Variants in RBFOX1 observed in about 807,000 individuals in gnomAD.
RBFOX1 encodes the protein RNA binding fox-1 homolog 1.
A neutral mutation model predicts 57.7 loss-of-function variants in RBFOX1; 8 were observed. The observed-to-expected ratio is 0.14, with a 90% CI of 0.08 to 0.25. RBFOX1 has a LOEUF of 0.25. Ranked by LOEUF, RBFOX1 falls within the 10% of genes least tolerant of loss-of-function variation. RBFOX1 has a pLI of 1.00. For missense variants in RBFOX1, 611 were observed against 548.5 expected (o/e 1.11, Z -1.14); for synonymous variants, 326 against 222.4 (o/e 1.47, Z -4.15).
intron 3 of RBFOX1, among the ~76,000 whole-genome samples, chr16:5,834,687 G>GTAGATAGATAGA (rs151197873): frequency 0.1 from 13,838 of 134,740 alleles, 914 homozygotes; most frequent in Non-Finnish European, 0.14. Flanking sequence ...AATGGGATAG[G>GTAGATAGATAGA]TAGATAGATA....
chr16:6,119,508 A>T (rs941100102), intron 1 of RBFOX1, among the ~76,000 whole-genome samples: 4 of 152,210 alleles, frequency 2.6e-5, no homozygotes, highest in African/African-American at 9.6e-5. Context: ...TATTACTTTG[A>T]TGGCCCAATG....
At chr16:7,420,411 A>G (rs889070597) in intron 4 of RBFOX1, among the ~76,000 whole-genome samples, 7 of 152,188 alleles carry the variant, frequency 4.6e-5, no homozygotes, top group African/African-American at 1.7e-4. Flanking sequence ...AGTTACAGCA[A>G]TAAAAACAGG....
intron 3 of RBFOX1, among the ~76,000 whole-genome samples, chr16:6,755,001 A>G (rs1361951304): frequency 3.3e-5 from 5 of 152,048 alleles, no homozygotes; most frequent in African/African-American, 4.8e-5. Context: ...GATGATTTCC[A>G]ATTTCATCCA....
chr16:6,518,427 G>C (rs569387049), intron 2 of RBFOX1, among the ~76,000 whole-genome samples: 2 of 152,298 alleles, frequency 1.3e-5, no homozygotes, highest in African/African-American at 2.4e-5. Flanking sequence ...CAGGGGCCAG[G>C]TGATGACCGT....
chr16:7,513,949 A>G (rs1377888736), intron 4 of RBFOX1, among the ~76,000 whole-genome samples: 1 of 152,164 alleles, frequency 6.6e-6, no homozygotes, highest in Non-Finnish European at 1.5e-5. Flanking sequence ...AAGTCTAGCT[A>G]TCACCCCTCT....
intron 3 of RBFOX1, among the ~76,000 whole-genome samples, chr16:6,674,173 T>C (rs766189712): frequency 2.0e-5 from 3 of 152,166 alleles, no homozygotes; most frequent in South Asian, 2.1e-4. Flanking sequence ...AGAAAAGATA[T>C]GTTGAAGTCC....
intron 3 of RBFOX1, among the ~76,000 whole-genome samples, chr16:6,763,754 G>A (rs1010381388): frequency 2.6e-5 from 4 of 152,304 alleles, no homozygotes; most frequent in African/African-American, 4.8e-5. Flanking sequence ...ACCACTGGAC[G>A]GATTCCACAC....
At chr16:7,395,837 G>A (rs942645668) in intron 4 of RBFOX1, among the ~76,000 whole-genome samples, 9 of 152,076 alleles carry the variant, frequency 5.9e-5, no homozygotes, top group African/African-American at 1.2e-4. Flanking sequence ...AAATTTTCCC[G>A]TCTCTTTGCC....
intron 4 of RBFOX1, among the ~76,000 whole-genome samples, chr16:7,507,657 G>A (rs1410516331): frequency 7.0e-6 from 1 of 143,036 alleles, no homozygotes; most frequent in African/African-American, 2.6e-5. Context: ...TCCGCCTCCC[G>A]GGTTCACGCC....
intron 4 of RBFOX1, among the ~76,000 whole-genome samples, chr16:7,330,851 C>T (rs1221675164): frequency 1.3e-5 from 2 of 152,110 alleles, no homozygotes; most frequent in Non-Finnish European, 1.5e-5. Context: ...GGAAAGCAGA[C>T]GGGAGAGACA....
At chr16:6,923,888 A>C (rs1265388577) in intron 3 of RBFOX1, among the ~76,000 whole-genome samples, 1 of 152,076 alleles carries the variant, frequency 6.6e-6, no homozygotes, top group East Asian at 1.9e-4. Flanking sequence ...AAATACCTGA[A>C]GGTCAGTTGT....
chr16:7,514,572 A>ACC (rs894538545), intron 4 of RBFOX1, among the ~76,000 whole-genome samples: 4 of 151,982 alleles, frequency 2.6e-5, no homozygotes, highest in African/African-American at 4.8e-5. Context: ...TGGGCAACTG[A>ACC]CCAGGTTTCA....
chr16:6,231,233 T>TAG (rs1248195808), intron 1 of RBFOX1, among the ~76,000 whole-genome samples: 22 of 87,908 alleles, frequency 2.5e-4, no homozygotes, highest in African/African-American at 6.5e-4. Flanking sequence ...TGTGTGTGTG[T>TAG]GTGTAGGTGT....
chr16:6,987,875 A>T (rs955009906), intron 3 of RBFOX1, among the ~76,000 whole-genome samples: 1 of 152,172 alleles, frequency 6.6e-6, no homozygotes, highest in African/African-American at 2.4e-5. Flanking sequence ...AAGCAGCCAC[A>T]TTTTATCCCT....
chr16:5,520,436 A>G (rs373241853), intron 2 of RBFOX1, among the ~76,000 whole-genome samples: 2 of 152,214 alleles, frequency 1.3e-5, no homozygotes, highest in Admixed American at 6.5e-5. Context: ...CTCAGCCACC[A>G]TTCAGACTTG....
intron 2 of RBFOX1, among the ~76,000 whole-genome samples, chr16:6,629,762 A>T (rs1269428867): frequency 6.6e-6 from 1 of 152,220 alleles, no homozygotes; most frequent in African/African-American, 2.4e-5. Flanking sequence ...TTTCTAGCTT[A>T]ATTAGTCCTT....
Position 5,424,998 on chromosome 16 carries a change from CT to C in RBFOX1, c.220-42214del, listed in dbSNP as rs1337996698. ...TCTTTCTTTTCTTTTCTTTTCTTTT[CT>C]TTTCTTTTCTTTTCTTTCTTGATTC... On this transcript the variant is annotated intron_variant, in intron 1 of 2. Coordinates refer to the RBFOX1 transcript ENST00000585867. Among the ~76,000 whole-genome samples, 6 of 88,998 alleles carry C rather than the reference CT, an allele frequency of 6.7e-5. No homozygotes were observed. In the East Asian group the frequency reaches 1.1e-3, roughly 16 times the overall value. The allele number at this position is 88,998 out of a possible 152,430, so 58.4% of individuals were successfully genotyped here.
intron 3 of RBFOX1, among the ~76,000 whole-genome samples, chr16:6,825,611 A>G (rs923211542): frequency 2.6e-5 from 4 of 152,164 alleles, no homozygotes; most frequent in African/African-American, 9.6e-5. Context: ...AGAAACTGCA[A>G]CATCCTCTCC....
intron 2 of RBFOX1, among the ~76,000 whole-genome samples, chr16:5,502,777 G>C (rs1400050381): frequency 2.0e-5 from 3 of 152,124 alleles, no homozygotes; most frequent in African/African-American, 7.2e-5. Context: ...CCGAAGGCTG[G>C]AACTTTATCA....
Sources: allele counts gnomAD v4.1 joint callset (sites outside exome capture counted in the v4.1 genomes callset), GRCh38; gene constraint gnomAD v4.1.1; transcripts MANE v1.5; gene names NCBI Gene and HGNC (gene_info 2026-07-23, HGNC 2026-07-21).